Variants in FOXN3 observed in about 807,000 individuals in gnomAD.
FOXN3 encodes the protein forkhead box protein N3.
A neutral mutation model predicts 38.4 loss-of-function variants in FOXN3; 7 were observed. The ratio of observed to expected loss-of-function variants is 0.18; its 90% CI spans 0.10 to 0.34. The LOEUF is 0.34. Ranked by LOEUF, FOXN3 falls within the 10% of genes least tolerant of loss-of-function variation. The pLI, the probability that FOXN3 is intolerant of heterozygous loss-of-function variation, is 1.00. For synonymous variants in FOXN3, 230 were observed against 242.2 expected, an observed-to-expected ratio of 0.95 and a Z score of 0.47; for missense variants, 456 against 613.4, an observed-to-expected ratio of 0.74 and a Z score of 2.71.
chr14:89,566,339 T>TAAAA (rs1398500372), intron 1 of FOXN3, among the ~76,000 whole-genome samples: 1 of 152,232 alleles, frequency 6.6e-6, no homozygotes, highest in Non-Finnish European at 1.5e-5. Flanking sequence ...TGTTTTGGTA[T>TAAAA]AAAACTGCTG....
intron 4 of FOXN3, among the ~76,000 whole-genome samples, chr14:89,184,525 C>T (rs367734514): frequency 1.3e-5 from 2 of 152,206 alleles, no homozygotes; most frequent in Admixed American, 6.5e-5. Flanking sequence ...CTGGAGACCA[C>T]GTTCTTTGGA....
At chr14:89,616,521 A>ACCCCCCCCCCCCCC (rs1161046760) in intron 1 of FOXN3, among the ~76,000 whole-genome samples, 5 of 137,940 alleles carry the variant, frequency 3.6e-5, no homozygotes, top group East Asian at 2.2e-4. Flanking sequence ...TCACTCCCCA[A>ACCCCCCCCCCCCCC]CCCCACCCCC....
At chr14:89,315,498 G>T in intron 3 of FOXN3, among the ~76,000 whole-genome samples, 1 of 152,178 alleles carries the variant, frequency 6.6e-6, no homozygotes, top group Non-Finnish European at 1.5e-5. Flanking sequence ...AGTCTCGTAG[G>T]CATGTCTTTG....
At chr14:89,434,355 G>C (rs1009699719) in intron 1 of FOXN3, among the ~76,000 whole-genome samples, 1 of 151,380 alleles carries the variant, frequency 6.6e-6, no homozygotes, top group Admixed American at 6.6e-5. Flanking sequence ...AGCCTCCAGA[G>C]TAGCTGGGAT....
At chr14:89,327,543 T>C (rs950313847) in intron 3 of FOXN3, among the ~76,000 whole-genome samples, 4 of 152,206 alleles carry the variant, frequency 2.6e-5, no homozygotes, top group Admixed American at 2.6e-4. Context: ...AAAAGGCACC[T>C]CTACCCGCCA....
chr14:89,272,280 TC>T (rs1421209264), intron 4 of FOXN3, among the ~76,000 whole-genome samples: 3 of 151,978 alleles, frequency 2.0e-5, no homozygotes, highest in African/African-American at 7.3e-5. Context: ...ACCACTGCAC[TC>T]CAGCCTGGGT....
intron 3 of FOXN3, among the ~76,000 whole-genome samples, chr14:89,317,335 C>T (rs201235193): frequency 2.6e-5 from 4 of 152,236 alleles, no homozygotes; most frequent in East Asian, 3.9e-4. Flanking sequence ...CCACTTCCTG[C>T]GATGTTTTAG....
chr14:89,521,761 A>G (rs902222701), intron 1 of FOXN3, among the ~76,000 whole-genome samples: 27 of 152,210 alleles, frequency 1.8e-4, no homozygotes, highest in African/African-American at 6.3e-4. Flanking sequence ...AACAAAAAAA[A>G]TAGCGAATTT....
At chr14:89,328,840 T>TA (rs1360893742) in intron 3 of FOXN3, among the ~76,000 whole-genome samples, 1 of 152,064 alleles carries the variant, frequency 6.6e-6, no homozygotes, top group East Asian at 1.9e-4. Context: ...GATAACAAGA[T>TA]AAAGAGCAGG....
chr14:89,360,524 G>GA (rs1190424906), intron 2 of FOXN3, among the ~76,000 whole-genome samples: 2 of 137,152 alleles, frequency 1.5e-5, no homozygotes, highest in East Asian at 4.6e-4. Flanking sequence ...GAGAGAGAAG[G>GA]AAAAAAAGGG....
intron 1 of FOXN3, among the ~76,000 whole-genome samples, chr14:89,432,671 T>A (rs1339489972): frequency 6.6e-6 from 1 of 152,108 alleles, no homozygotes; most frequent in Non-Finnish European, 1.5e-5. Flanking sequence ...CTCTCACCTG[T>A]CTATTGCTAT....
intron 1 of FOXN3, among the ~76,000 whole-genome samples, chr14:89,445,949 G>T (rs1472262911): frequency 6.6e-6 from 1 of 151,208 alleles, no homozygotes; most frequent in African/African-American, 2.4e-5. Flanking sequence ...AGGCATGGTG[G>T]GGGGTGGCGG....
intron 3 of FOXN3, among the ~76,000 whole-genome samples, chr14:89,297,559 CAA>C (rs919496715): frequency 1.4e-4 from 14 of 103,508 alleles, no homozygotes; most frequent in African/African-American, 1.4e-4. Flanking sequence ...GACTCCCTTT[CAA>C]AAAAAAAAAA....
chr14:89,301,326 AT>A (rs1660926042), intron 3 of FOXN3, among the ~76,000 whole-genome samples: 1 of 144,128 alleles, frequency 6.9e-6, no homozygotes, highest in Admixed American at 7.0e-5. Context: ...AAAAAAAAAA[AT>A]TAGCCAGGTG....
At chr14:89,536,756 C>A (rs142958893) in intron 1 of FOXN3, among the ~76,000 whole-genome samples, 1 of 151,110 alleles carries the variant, frequency 6.6e-6, no homozygotes, top group Non-Finnish European at 1.5e-5. Context: ...CCAGCCTGGG[C>A]GACAGAGCAA....
chr14:89,272,106 T>A (rs1886166097), intron 4 of FOXN3, among the ~76,000 whole-genome samples: 1 of 152,112 alleles, frequency 6.6e-6, no homozygotes, highest in African/African-American at 2.4e-5. Context: ...GGTCAGGAGT[T>A]CGAGACCAAC....
At position 89,480,909 on chromosome 14, in the gene FOXN3, G is replaced by C. The variant is rs550841683; in HGVS notation, c.-14-68419C>G. ...GTTTCTTGAAGCAAGCCATGCAGTA[G>C]ATGACTGTGCCATGTTTCGTTCATT... On this transcript the variant is annotated intron_variant, in intron 1 of 6. Transcript: ENST00000345097. Among the ~76,000 whole-genome samples the C allele has an allele frequency of 7.2e-5, 11 of 152,266 alleles. No homozygotes were observed. The South Asian group carries it at 2.1e-3, about 29-fold the overall frequency.
At chr14:89,260,772 G>C (rs577016810) in intron 4 of FOXN3, among the ~76,000 whole-genome samples, 1 of 152,168 alleles carries the variant, frequency 6.6e-6, no homozygotes, top group African/African-American at 2.4e-5. Flanking sequence ...GTTTGCATGC[G>C]CTGCTCAGAT....
chr14:89,228,356 G>T (rs565941107), intron 4 of FOXN3, among the ~76,000 whole-genome samples: 1 of 152,110 alleles, frequency 6.6e-6, no homozygotes, highest in African/African-American at 2.4e-5. Context: ...GGTTATGAAC[G>T]TTTCTTTTTG....
Sources: allele counts gnomAD v4.1 joint callset (sites outside exome capture counted in the v4.1 genomes callset), GRCh38; gene constraint gnomAD v4.1.1; transcripts MANE v1.5; gene names NCBI Gene and HGNC (gene_info 2026-07-23, HGNC 2026-07-21).